The following CAMSAP3 variants were observed in gnomAD, a reference collection of about 807,000 sequenced individuals.
CAMSAP3 encodes the protein calmodulin-regulated spectrin-associated protein 3.
Under a neutral mutation model 112.5 loss-of-function variants are expected in CAMSAP3, and 34 were observed. That is an observed-to-expected ratio of 0.30 (90% CI 0.23 to 0.40). CAMSAP3 has a LOEUF of 0.40. Ranked by LOEUF, CAMSAP3 falls within the 10% of genes least tolerant of loss-of-function variation. CAMSAP3 has a pLI of 1.00. For missense variants in CAMSAP3, 1,602 were observed against 1,770.3 expected (o/e 0.90, Z 1.71); for synonymous variants, 868 against 799.8 (o/e 1.09, Z -1.44).
intron 4 of CAMSAP3, 32 bp downstream of exon 4, chr19:7,606,603 T>G: frequency 6.6e-7 from 1 of 1,518,992 alleles, no homozygotes; most frequent in Middle Eastern, 2.3e-4. Context: ...GTCAGAAGGA[T>G]GGGGGACCGG....
intron 2 of CAMSAP3, 131 bp from the exon 3 acceptor site, chr19:7,606,140 C>T (rs1465260333): frequency 2.2e-6 from 1 of 451,834 alleles, no homozygotes; most frequent in South Asian, 2.1e-5. Context: ...CCACTGGCCC[C>T]GCCCCCTCAA....
intron 13 of CAMSAP3, 87 bp from the exon 14 acceptor site, chr19:7,616,436 C>G: frequency 1.0e-6 from 1 of 969,934 alleles, no homozygotes; most frequent in Non-Finnish European, 1.7e-6. Flanking sequence ...ACTGACTCCT[C>G]CTGTGTTCCC....
In CAMSAP3 at chr19:7,617,835, G is replaced by A. The variant is rs1347908775; in HGVS notation, c.3528G>A (p.Ser1176=). 33 of 1,613,828 alleles carry A rather than the reference G, an allele frequency of 2.0e-5. No homozygotes were observed. Among genetic ancestry groups the A allele is most frequent in the South Asian group, 7.7e-5 (7 of 91,088 alleles). Residue 1176 remains serine, a synonymous_variant, in exon 17 of 17, where the codon TCG becomes TCA. Coordinates refer to ENST00000160298, the MANE Select transcript of CAMSAP3 (RefSeq NM_020902.2). This position sits in a 1 kb window ranked among gnomAD's most constrained non-coding sequence, Gnocchi z 7.5. ...SCQFRALYTL[S]GETEELSRLA... is the part of the protein sequence containing the mutation. Reference sequence around the variant, plus strand: ...AGTTCCGGGCGCTCTACACGCTGTCGGGGGAGACAGAGGAGCTGTCGCGGC... The same window carrying A: ...AGTTCCGGGCGCTCTACACGCTGTCAGGGGAGACAGAGGAGCTGTCGCGGC...
In CAMSAP3 at chr19:7,615,102, G is replaced by C. The variant is rs975944652; in HGVS notation, c.2671-81G>C. 53 of 1,511,952 alleles carry C rather than the reference G, an allele frequency of 3.5e-5. No homozygotes were observed. The East Asian group carries it at 1.3e-3, about 36-fold the overall frequency. The allele number at this position is 1,511,952 out of a possible 1,614,324, so 93.7% of individuals were successfully genotyped here. A position where few individuals can be genotyped will look rare whatever the true frequency, so the allele number is the denominator to read the frequency against. ...AAAACAAAAGCACAGGTGGGTGGCG[G>C]GCAGGCTGGGTGGAGGGAAGATGGG... On this transcript the variant is annotated intron_variant, in intron 11 of 16. Coordinates refer to ENST00000160298, the MANE Select transcript of CAMSAP3 (RefSeq NM_020902.2). This position sits in a 1 kb window ranked among gnomAD's most constrained non-coding sequence, Gnocchi z 6.5.
chr19:7,613,207 G>A (rs1335087979), intron 11 of CAMSAP3, 44 bp downstream of exon 11: 2 of 1,176,912 alleles, frequency 1.7e-6, no homozygotes, highest in Non-Finnish European at 1.1e-6. Context: ...GGCCTGGGGC[G>A]GGGGCGGGTG....
chr19:7,616,331 T>C, intron 13 of CAMSAP3, 192 bp from the exon 14 acceptor site: 1 of 564,976 alleles, frequency 1.8e-6, no homozygotes, highest in Non-Finnish European at 3.2e-6. Flanking sequence ...GCTGACCCAG[T>C]GCTGCTCCCC....
chr19:7,596,302 G>T (rs1394762891), intron 1 of CAMSAP3, 152 bp downstream of exon 1: 2 of 238,440 alleles, frequency 8.4e-6, no homozygotes, highest in African/African-American at 4.7e-5. Context: ...CTGCCGCGCC[G>T]GGGCCTCCGA....
rs750063330 is a variant in CAMSAP3, at chr19:7,612,236, C to T, written c.1743C>T (p.Ala581=). Residue 581 remains alanine, a synonymous_variant, in exon 11 of 17, where the codon GCC becomes GCT. Transcript: ENST00000160298. ...AGCTGGTGAAGGCAGAGGCTGAGGC[C>T]GGAGCGGGGTCCCCCACGTCCACTC... The part of the protein sequence containing the change: ...KKQLVKAEAE[A]GAGSPTSTPA... 2.5e-6 allele frequency: 4 copies of T among 1,590,416 alleles called. No individual in the cohort carries two copies. Among genetic ancestry groups the T allele is most frequent in the East Asian group, 2.3e-5 (1 of 43,346 alleles).
rs2030455811 is a variant in CAMSAP3, at chr19:7,611,024, G to A, written c.1050-71G>A. ...CACTGGGACGCAGCTGGGTGATGCT[G>A]TTGTCTCCCCCCGGGGAGAGGCGGA... On this transcript the variant is annotated intron_variant, in intron 8 of 16. Transcript: ENST00000160298. This position sits in a 1 kb window ranked among gnomAD's most constrained non-coding sequence, Gnocchi z 6.9. The A allele has an allele frequency of 5.0e-6, 8 of 1,593,628 alleles. No individual in the cohort carries two copies. The Admixed American group carries it at 5.0e-5, about 10-fold the overall frequency.
intron 2 of CAMSAP3, among the ~76,000 whole-genome samples, chr19:7,605,835 T>G (rs1001974074): frequency 2.8e-5 from 4 of 145,158 alleles, no homozygotes; most frequent in South Asian, 2.2e-4. Context: ...TCCCTTAAGC[T>G]CTGTCCATCA....
rs1568446397 is a variant in CAMSAP3, at chr19:7,612,560, C to G, written c.2067C>G (p.Gly689=). ...PKAVTFSPDL[G]PVPHEGLGEY... ...CAGTGACCTTCTCGCCAGACCTGGG[C>G]CCGGTGCCCCACGAGGGGCTGGGGG... Residue 689 remains glycine, a synonymous_variant, in exon 11 of 17, where the codon GGC becomes GGG. Coordinates refer to ENST00000160298, the MANE Select transcript of CAMSAP3 (RefSeq NM_020902.2). 1 of 1,535,456 alleles carries G rather than the reference C, an allele frequency of 6.5e-7. No individual in the cohort carries two copies. Among genetic ancestry groups the G allele is most frequent in the Non-Finnish European group, 8.7e-7 (1 of 1,145,532 alleles).
Position 7,615,584 on chromosome 19 carries a change from G to A in CAMSAP3, c.2977G>A (p.Asp993Asn), listed in dbSNP as rs917240965. ...CCGGGCCCAGCTGAAGCTGATGGAC[G>A]ACCTCGATAAGGTGCTGCGGCCCCG... ...ERRAQLKLMD[D>N]LDKVLRPRAA... Residue 993 changes from aspartate (D) to asparagine (N), a missense_variant, in exon 13 of 17, where the codon GAC (aspartate) becomes AAC (asparagine). Asp to Asn is a conservative substitution (Grantham distance 23). Transcript: ENST00000160298. The surrounding 1 kb of genome is among the most constrained non-coding windows in gnomAD (Gnocchi z 6.5). 3 of 1,503,922 alleles carry A rather than the reference G, an allele frequency of 2.0e-6. No individual in the cohort carries two copies. The highest frequency in any genetic ancestry group is 1.3e-5 in the South Asian group (1 of 79,020). 93.2% of individuals were successfully genotyped at this position (1,503,922 alleles called of 1,614,324 possible).
intron 2 of CAMSAP3, among the ~76,000 whole-genome samples, 186 bp from the exon 3 acceptor site, chr19:7,606,085 C>T (rs967628229): frequency 3.3e-5 from 5 of 152,096 alleles, no homozygotes; most frequent in South Asian, 4.1e-4. Context: ...GTGGCTTTTC[C>T]GGGACCCCAT....
rs2030437724 is a variant in CAMSAP3, at chr19:7,610,777, C to G, written c.978C>G (p.Asp326Glu). The G allele has an allele frequency of 6.2e-7, 1 of 1,613,652 alleles. No homozygotes were observed. Among genetic ancestry groups the G allele is most frequent in the Admixed American group, 1.7e-5 (1 of 60,002 alleles). The change falls in exon 7 of 17, where the codon GAC (aspartate) becomes GAG (glutamate). Residue 326 changes from aspartate to glutamate, a missense_variant. Coordinates refer to ENST00000160298, the MANE Select transcript of CAMSAP3 (RefSeq NM_020902.2). This position sits in a 1 kb window ranked among gnomAD's most constrained non-coding sequence, Gnocchi z 4.9. ...VLKPDFVQVK[D>E]LPDGHAASPR... ...AGCCCGACTTTGTGCAAGTGAAGGA[C>G]TTGCCCGATGGTCACGGTGAGGCCC... is the stretch of plus-strand genomic sequence containing the variant.
intron 5 of CAMSAP3, among the ~76,000 whole-genome samples, chr19:7,608,753 G>C (rs1429022617): frequency 6.6e-6 from 1 of 150,490 alleles, no homozygotes; most frequent in African/African-American, 2.5e-5. Context: ...TCCTGCCTCA[G>C]CCTCCTGAGT....
Position 7,605,296 on chromosome 19 carries a change from G to A in CAMSAP3, c.219G>A (p.Pro73=), listed in dbSNP as rs765035375. The change falls in exon 2 of 17, where the codon CCG becomes CCA. Residue 73 remains proline (P), a synonymous_variant. Transcript: ENST00000160298. ...ACGCGCAGGAGCATGTGAAGCCCCC[G>A]GTGACACGGCTGCTGCTCTCAGCCG... is the stretch of plus-strand genomic sequence containing the variant. ...DQYAQEHVKP[P]VTRLLLSAEL... 3.1e-6 allele frequency: 5 copies of A among 1,611,214 alleles called. No homozygotes were observed. In the African/African-American group the frequency reaches 4.0e-5, roughly 13 times the overall value.
At chr19:7,603,237 CAG>C (rs1439964214) in intron 1 of CAMSAP3, among the ~76,000 whole-genome samples, 3 of 146,002 alleles carry the variant, frequency 2.1e-5, no homozygotes, top group African/African-American at 7.6e-5. Flanking sequence ...TTTTTTAAGA[CAG>C]AGGCTTGCTC....
Position 7,610,844 on chromosome 19 carries a change from A to G in CAMSAP3, c.995-33A>G, listed in dbSNP as rs1429403062. 1.2e-6 allele frequency: 2 copies of G among 1,609,470 alleles called. No individual in the cohort carries two copies. The highest frequency in any genetic ancestry group is 2.2e-5 in the East Asian group (1 of 44,884). Reference sequence around the variant, plus strand: ...GGGTCGGGGGCGGGTGGGAGAGCCAAACCCCCGCCTGACCCTCTTCTCTGT... The same window carrying G: ...GGGTCGGGGGCGGGTGGGAGAGCCAGACCCCCGCCTGACCCTCTTCTCTGT... On this transcript the variant is annotated intron_variant, in intron 7 of 16. Transcript: ENST00000160298. This position sits in a 1 kb window ranked among gnomAD's most constrained non-coding sequence, Gnocchi z 4.9.
chr19:7,615,580 G>A lies in CAMSAP3; in HGVS notation c.2973G>A (p.Met991Ile). ...EYERRAQLKL[M>I]DDLDKVLRPR... The stretch of plus-strand genomic sequence containing the variant: ...AGCGCCGGGCCCAGCTGAAGCTGAT[G>A]GACGACCTCGATAAGGTGCTGCGGC... The change falls in exon 13 of 17, where the codon ATG (methionine) becomes ATA (isoleucine). Residue 991 changes from methionine (M) to isoleucine (I), a missense_variant. Physicochemically the swap from Met to Ile is conservative, Grantham distance 10. This residue lies in a region of CAMSAP3 where 1,100 missense variants were observed against 1,135.7 expected (regional missense o/e 0.97). Coordinates refer to ENST00000160298, the MANE Select transcript of CAMSAP3 (RefSeq NM_020902.2). The surrounding 1 kb of genome is among the most constrained non-coding windows in gnomAD (Gnocchi z 6.5). The A allele has an allele frequency of 6.6e-7, 1 of 1,505,868 alleles. No individual in the cohort carries two copies. The highest frequency in any genetic ancestry group is 8.9e-7 in the Non-Finnish European group (1 of 1,127,602). The allele number at this position is 1,505,868 out of a possible 1,614,324, so 93.3% of individuals were successfully genotyped here.
Sources: allele counts gnomAD v4.1 joint callset (sites outside exome capture counted in the v4.1 genomes callset), GRCh38; gene constraint gnomAD v4.1.1; regional missense constraint gnomAD v4.1.1; non-coding constraint Gnocchi (gnomAD v3.1); transcripts MANE v1.5; gene names NCBI Gene and HGNC (gene_info 2026-07-23, HGNC 2026-07-21).